ARB2A: variants seen among roughly 807,000 people sequenced by gnomAD.
ARB2A encodes ARB2 cotranscriptional regulator A, also known as cotranscriptional regulator ARB2A.
chr5:93,815,029 A>G, the ARB2A span, among the ~76,000 whole-genome samples: 5 of 151,704 alleles, frequency 3.3e-5, no homozygotes, highest in Non-Finnish European at 5.9e-5. Context: ...TTTTTGTACA[A>G]ACGAGGTCTT....
chr5:93,725,269 A>G, the ARB2A span, among the ~76,000 whole-genome samples: 2 of 152,080 alleles, frequency 1.3e-5, no homozygotes, highest in African/African-American at 4.8e-5. Context: ...CTCTGAGGAT[A>G]TAAGAGGAAG....
the ARB2A span, among the ~76,000 whole-genome samples, chr5:93,671,434 A>C: frequency 6.6e-6 from 1 of 152,150 alleles, no homozygotes; most frequent in Non-Finnish European, 1.5e-5. Flanking sequence ...TTACAATATT[A>C]CTTGAAAATT....
the ARB2A span, among the ~76,000 whole-genome samples, chr5:93,623,387 A>C: frequency 6.6e-6 from 1 of 152,156 alleles, no homozygotes; most frequent in African/African-American, 2.4e-5. Flanking sequence ...TCAATTTGTA[A>C]GCTTTCTCAG....
At chr5:93,849,987 A>T in the ARB2A span, among the ~76,000 whole-genome samples, 1 of 152,206 alleles carries the variant, frequency 6.6e-6, no homozygotes. Flanking sequence ...TTTAATCCTC[A>T]TGGTACCCTG....
At chr5:93,876,876 A>G in the ARB2A span, among the ~76,000 whole-genome samples, 3 of 152,162 alleles carry the variant, frequency 2.0e-5, no homozygotes, top group Non-Finnish European at 4.4e-5. Flanking sequence ...AGTTTATCAG[A>G]GTTGGCTGTT....
At chr5:93,804,467 G>A in the ARB2A span, among the ~76,000 whole-genome samples, 3 of 151,516 alleles carry the variant, frequency 2.0e-5, no homozygotes, top group Non-Finnish European at 4.4e-5. Context: ...AAACATTTTC[G>A]TTAAGATGAT....
the ARB2A span, among the ~76,000 whole-genome samples, chr5:93,700,393 T>G: frequency 1.3e-5 from 2 of 152,070 alleles, no homozygotes; most frequent in East Asian, 1.9e-4. Context: ...AAAAGTTAGA[T>G]TCAGGTATAC....
chr5:93,869,604 T>C, the ARB2A span, among the ~76,000 whole-genome samples: 1 of 152,346 alleles, frequency 6.6e-6, no homozygotes, highest in African/African-American at 2.4e-5. Flanking sequence ...GATGATGGCC[T>C]GAAGCAACTG....
the ARB2A span, among the ~76,000 whole-genome samples, chr5:93,980,752 A>C: frequency 6.6e-6 from 1 of 152,098 alleles, no homozygotes; most frequent in Non-Finnish European, 1.5e-5. Flanking sequence ...TAACTTGACT[A>C]TATTTTGATT....
the ARB2A span, among the ~76,000 whole-genome samples, chr5:93,749,580 C>A: frequency 4.4e-4 from 67 of 152,116 alleles, no homozygotes; most frequent in African/African-American, 1.6e-3. Flanking sequence ...TGAGATGATA[C>A]TAGTCTTACC....
At chr5:93,820,195 C>T in the ARB2A span, among the ~76,000 whole-genome samples, 1 of 152,088 alleles carries the variant, frequency 6.6e-6, no homozygotes, top group African/African-American at 2.4e-5. Flanking sequence ...GTTGTTTTGG[C>T]TAAGCAAAGA....
chr5:93,892,161 T>A, the ARB2A span, among the ~76,000 whole-genome samples: 4 of 152,232 alleles, frequency 2.6e-5, no homozygotes. Context: ...TCTGCTTTTA[T>A]GCACAAGGAC....
chr5:93,805,463 C>T, the ARB2A span: 2 of 985,128 alleles, frequency 2.0e-6, no homozygotes, highest in East Asian at 2.3e-4. Context: ...ACTCAGATCA[C>T]CATTCCCCTG....
the ARB2A span, among the ~76,000 whole-genome samples, chr5:93,666,694 G>A: frequency 9.9e-5 from 15 of 152,100 alleles, 1 homozygote; most frequent in South Asian, 2.3e-3. Context: ...CTATTACCAC[G>A]TCCATAGTTT....
chr5:93,732,018 CCTCATAGCTATG>C, the ARB2A span, among the ~76,000 whole-genome samples: 1 of 152,182 alleles, frequency 6.6e-6, no homozygotes, highest in South Asian at 2.1e-4. Context: ...GCTAATTCTG[CCTCATAGCTATG>C]CTCCTAGCTG....
At chr5:93,790,065 C>T in the ARB2A span, among the ~76,000 whole-genome samples, 2 of 152,174 alleles carry the variant, frequency 1.3e-5, no homozygotes, top group Non-Finnish European at 2.9e-5. Flanking sequence ...AATTCAAGGA[C>T]GGTGGAGTCA....
chr5:93,965,815 T>G, the ARB2A span, among the ~76,000 whole-genome samples: 6 of 152,068 alleles, frequency 3.9e-5, no homozygotes, highest in African/African-American at 1.2e-4. Flanking sequence ...TAATCTAAAA[T>G]AGATTCTTTA....
At chr5:93,701,561 C>T in the ARB2A span, among the ~76,000 whole-genome samples, 1 of 151,858 alleles carries the variant, frequency 6.6e-6, no homozygotes, top group African/African-American at 2.4e-5. Context: ...CTTCAAAATT[C>T]CAAACCAATA....
chr5:93,678,206 A>G, the ARB2A span, among the ~76,000 whole-genome samples: 1 of 152,226 alleles, frequency 6.6e-6, no homozygotes, highest in East Asian at 1.9e-4. Context: ...CCCAAAGCTG[A>G]ACCTACTATA....
Sources: gnomAD v4.1 joint callset for allele counts (sites outside exome capture counted in the v4.1 genomes callset) on GRCh38, gnomAD v4.1.1 for gene constraint, MANE v1.5 for transcripts, NCBI Gene and HGNC (gene_info 2026-07-23, HGNC 2026-07-21) for gene names.